The following CCND3 variants were observed in gnomAD, a reference collection of about 807,000 sequenced individuals.
CCND3 encodes the protein cyclin D3, also known as G1/S-specific cyclin-D3.
A neutral mutation model predicts 28.7 loss-of-function variants in CCND3; 9 were observed. That is an observed-to-expected ratio of 0.31 (90% confidence interval 0.19 to 0.55). The LOEUF (loss-of-function observed/expected upper bound fraction) is 0.55, where lower values mean the gene tolerates loss of function less well. CCND3 is among the 20% of genes least tolerant of loss of function. The pLI, the probability that CCND3 is intolerant of heterozygous loss-of-function variation, is 0.93. For missense variants in CCND3, 315 were observed against 385.8 expected (o/e 0.82, Z 1.54); for synonymous variants, 164 against 163.9 (o/e 1.00, Z 0.00).
chr6:41,935,509 T>G lies in CCND3; in HGVS notation c.*431A>C. The G allele has an allele frequency of 6.4e-6, 2 of 312,590 alleles. No individual in the cohort carries two copies. The highest frequency in any genetic ancestry group is 1.2e-5 in the Non-Finnish European group (2 of 167,848). 19.4% of individuals were successfully genotyped at this position (312,590 alleles called of 1,614,324 possible). The stretch of plus-strand genomic sequence containing the variant: ...CCCCCTCATATGTGTCTATCATGCA[T>G]TAAATTTTAGAGGGACCCCAATCCA... On this transcript the variant is annotated 3_prime_UTR_variant, in exon 5 of 5. Coordinates refer to ENST00000372991, the MANE Select transcript of CCND3 (RefSeq NM_001760.5).
chr6:41,973,056 G>C (rs1038751279), intron 1 of CCND3, among the ~76,000 whole-genome samples: 2 of 152,060 alleles, frequency 1.3e-5, no homozygotes, highest in African/African-American at 4.8e-5. Flanking sequence ...ATGTCAATGA[G>C]ACGTTGGGCT....
chr6:41,987,507 C>CTGTG (rs1762518901), intron 1 of CCND3, among the ~76,000 whole-genome samples: 1 of 63,190 alleles, frequency 1.6e-5, no homozygotes, highest in Non-Finnish European at 3.2e-5. Flanking sequence ...CTCTCTCTCT[C>CTGTG]TCTCTCTCTC....
At chr6:42,018,493 T>C (rs1561989548) in intron 1 of CCND3, 1 of 152,174 alleles carries the variant, frequency 6.6e-6, no homozygotes, top group Admixed American at 6.6e-5. Flanking sequence ...AATTTTAGTA[T>C]ATGTGCTGCG....
chr6:42,036,399 ATATATTTTT>A (rs1764216385), intron 1 of CCND3, among the ~76,000 whole-genome samples: 2 of 43,828 alleles, frequency 4.6e-5, no homozygotes, highest in Non-Finnish European at 4.0e-5. Context: ...ATATATATAT[ATATATTTTT>A]TTTTTTTTTT....
At chr6:41,954,826 G>T (rs75875700) in intron 1 of CCND3, among the ~76,000 whole-genome samples, 5,611 of 152,232 alleles carry the variant, frequency 0.037, 198 homozygotes, top group African/African-American at 0.084. Context: ...TTGGCATGTA[G>T]AATCAACATG....
At chr6:41,946,389 G>C (rs890927613), upstream of CCND3, among the ~76,000 whole-genome samples, 2 of 151,476 alleles carry the variant, frequency 1.3e-5, no homozygotes, top group African/African-American at 2.4e-5. Context: ...TTGAGGCCAG[G>C]AGTTTGAGAC....
intron 1 of CCND3, among the ~76,000 whole-genome samples, chr6:41,951,545 C>A (rs1776312418): frequency 1.5e-5 from 1 of 65,636 alleles, no homozygotes; most frequent in African/African-American, 5.2e-5. Flanking sequence ...CTGAGCGACA[C>A]ACACACACAC....
intron 1 of CCND3, among the ~76,000 whole-genome samples, chr6:41,982,401 T>C (rs1052851515): frequency 6.6e-6 from 1 of 152,012 alleles, no homozygotes; most frequent in Non-Finnish European, 1.5e-5. Context: ...TAACAAAATA[T>C]GTACAAGGTC....
chr6:41,954,145 A>C (rs1259273305), intron 1 of CCND3, among the ~76,000 whole-genome samples: 1 of 149,216 alleles, frequency 6.7e-6, no homozygotes, highest in African/African-American at 2.5e-5. Context: ...CAGCTACTCC[A>C]GAGGCTGAGG....
chr6:41,990,049 T>C (rs76911561), intron 1 of CCND3, among the ~76,000 whole-genome samples: 1,719 of 152,188 alleles, frequency 0.011, 41 homozygotes, highest in African/African-American at 0.039. Flanking sequence ...CATAATCCTA[T>C]ACATAGAAAA....
In CCND3 at chr6:41,935,617, TG is replaced by T. The variant is rs3833667; in HGVS notation, c.*322del. On this transcript the variant is annotated 3_prime_UTR_variant, in exon 5 of 5. Transcript: ENST00000372991. ...TTGAAAACATGAGAGCCCCCAGGGG[TG>T]GGGGGGGGCGTTCAAAAGGAATGCT... 2.1e-4 allele frequency: 92 copies of T among 428,898 alleles called. No individual in the cohort carries two copies. The highest frequency in any genetic ancestry group is 5.2e-4 in the South Asian group (9 of 17,364). 26.6% of individuals were successfully genotyped at this position (428,898 alleles called of 1,614,324 possible).
intron 1 of CCND3, among the ~76,000 whole-genome samples, chr6:42,025,005 A>G (rs1763831341): frequency 6.6e-6 from 1 of 152,112 alleles, no homozygotes; most frequent in Non-Finnish European, 1.5e-5. Flanking sequence ...TTGCAGTGAG[A>G]CGAGATCATG....
At chr6:42,027,769 A>C (rs1763923720) in intron 1 of CCND3, among the ~76,000 whole-genome samples, 1 of 151,706 alleles carries the variant, frequency 6.6e-6, no homozygotes, top group Non-Finnish European at 1.5e-5. Flanking sequence ...TTTTTGAGAC[A>C]AGAGTTTTGC....
At chr6:41,966,765 A>G (rs574899524) in intron 1 of CCND3, among the ~76,000 whole-genome samples, 1 of 152,246 alleles carries the variant, frequency 6.6e-6, no homozygotes, top group East Asian at 1.9e-4. Flanking sequence ...CTCTTCATCC[A>G]TTACAATAAT....
chr6:41,967,632 G>C (rs112234021), intron 1 of CCND3, among the ~76,000 whole-genome samples: 1 of 152,176 alleles, frequency 6.6e-6, no homozygotes, highest in Non-Finnish European at 1.5e-5. Flanking sequence ...TCCATCTCCC[G>C]CAGCAGCTGC....
chr6:41,999,096 C>T lies in CCND3; in HGVS notation c.-46+49405G>A, dbSNP rs1245414702. ...AGATTAAGTAACTTGCCCAAGGTCCCACAGCTAGAAGTGGCCAACGTAGGA... is the reference window on the plus strand; with the variant it reads ...AGATTAAGTAACTTGCCCAAGGTCCTACAGCTAGAAGTGGCCAACGTAGGA... On this transcript the variant is annotated intron_variant, in intron 1 of 4. Coordinates refer to the CCND3 transcript ENST00000372988. Among the ~76,000 whole-genome samples, 3 of 152,146 alleles carry T rather than the reference C, an allele frequency of 2.0e-5. No homozygotes were observed. In the East Asian group the frequency reaches 5.8e-4, roughly 29 times the overall value.
At chr6:41,972,191 G>A (rs1232864170) in intron 1 of CCND3, among the ~76,000 whole-genome samples, 4 of 138,380 alleles carry the variant, frequency 2.9e-5, no homozygotes, top group Non-Finnish European at 6.1e-5. Flanking sequence ...TCGCGCCACT[G>A]CACTGCAGCC....
intron 1 of CCND3, among the ~76,000 whole-genome samples, chr6:42,017,057 C>G (rs764084617): frequency 1.3e-5 from 2 of 152,214 alleles, no homozygotes; most frequent in Non-Finnish European, 2.9e-5. Context: ...GCATCTCACC[C>G]GGCAGAGGAG....
intron 1 of CCND3, among the ~76,000 whole-genome samples, chr6:41,979,879 CCCTG>C (rs1273880001): frequency 6.6e-6 from 1 of 151,730 alleles, no homozygotes; most frequent in East Asian, 1.9e-4. Context: ...CAAGTGATCC[CCCTG>C]CCTCGGCCCC....
Sources: gnomAD v4.1 joint callset for allele counts (sites outside exome capture counted in the v4.1 genomes callset) on GRCh38, gnomAD v4.1.1 for gene constraint, MANE v1.5 for transcripts, NCBI Gene and HGNC (gene_info 2026-07-23, HGNC 2026-07-21) for gene names.